The following RREB1 variants were observed in gnomAD, a reference collection of about 807,000 sequenced individuals.
The protein encoded by RREB1 is ras responsive element binding protein 1.
RREB1 carries 27 observed loss-of-function variants against 117.8 expected under a neutral mutation model. That is an observed-to-expected ratio of 0.23 (90% CI 0.17 to 0.32). The LOEUF (loss-of-function observed/expected upper bound fraction) is 0.32. RREB1 is among the 10% of genes least tolerant of loss of function. RREB1 has a pLI of 1.00. For synonymous variants in RREB1, 1,298 were observed against 1,026.7 expected (o/e 1.26, Z -5.05); for missense variants, 2,577 against 2,378.2 (o/e 1.08, Z -1.74).
intron 6 of RREB1, among the ~76,000 whole-genome samples, chr6:7,199,738 A>G (rs1765849592): frequency 1.3e-5 from 2 of 151,824 alleles, no homozygotes; most frequent in African/African-American, 4.8e-5. Flanking sequence ...ATCATAGCTC[A>G]CTGCAACCTC....
At chr6:7,237,362 C>T (rs1768400623) in intron 10 of RREB1, among the ~76,000 whole-genome samples, 2 of 151,938 alleles carry the variant, frequency 1.3e-5, no homozygotes, top group South Asian at 4.1e-4. Flanking sequence ...GCTAGGATTA[C>T]AGGTGTGAGC....
At chr6:7,239,139 A>G (rs555888418) in intron 10 of RREB1, among the ~76,000 whole-genome samples, 7 of 152,336 alleles carry the variant, frequency 4.6e-5, no homozygotes, top group African/African-American at 7.2e-5. Context: ...TCAGGCTTCT[A>G]TCGACATTAA....
In RREB1 at chr6:7,230,895, G is replaced by A. The variant is rs1767911852; in HGVS notation, c.2796G>A (p.Met932Ile). 1 of 1,614,062 alleles carries A rather than the reference G, an allele frequency of 6.2e-7. No individual in the cohort carries two copies. The highest frequency in any genetic ancestry group is 1.1e-5 in the South Asian group (1 of 91,088). ...PSSLVPYDCSMEPIDLSIPKN... is the reference protein window; with the variant it reads ...PSSLVPYDCSIEPIDLSIPKN... ...CCCTGGTCCCCTATGACTGCTCCAT[G>A]GAGCCCATCGACCTGTCCATCCCCA... Residue 932 changes from methionine (M) to isoleucine (I), a missense_variant, in exon 10 of 13, where the codon ATG becomes ATA. By Grantham distance (10) the Met-to-Ile change is conservative. Transcript: ENST00000379938.
At chr6:7,191,627 T>G (rs1169924694) in intron 6 of RREB1, among the ~76,000 whole-genome samples, 1 of 152,240 alleles carries the variant, frequency 6.6e-6, no homozygotes, top group African/African-American at 2.4e-5. Context: ...TTCCCATTTG[T>G]TAAGTCGTCC....
At chr6:7,141,649 G>A (rs1309184738) in intron 1 of RREB1, among the ~76,000 whole-genome samples, 1 of 152,176 alleles carries the variant, frequency 6.6e-6, no homozygotes, top group African/African-American at 2.4e-5. Context: ...CATGTAGCAG[G>A]GTATTTCATG....
chr6:7,214,180 T>C (rs1766771616), intron 8 of RREB1: 1 of 152,352 alleles, frequency 6.6e-6, no homozygotes. Flanking sequence ...TAATCCACAG[T>C]GATGGTAGGG....
intron 1 of RREB1, among the ~76,000 whole-genome samples, chr6:7,143,617 C>T (rs992988701): frequency 6.6e-6 from 1 of 152,184 alleles, no homozygotes; most frequent in Non-Finnish European, 1.5e-5. Flanking sequence ...GCTGAAGTGA[C>T]AGCCTGTGCT....
At position 7,249,089 on chromosome 6, in the gene RREB1, GAGA is replaced by G; in HGVS notation, c.*122_*124del. 1 of 788,390 alleles carries G rather than the reference GAGA, an allele frequency of 1.3e-6. No individual in the cohort carries two copies. Among genetic ancestry groups the G allele is most frequent in the Non-Finnish European group, 1.9e-6 (1 of 517,998 alleles). 48.8% of individuals were successfully genotyped at this position (788,390 alleles called of 1,614,324 possible). On this transcript the variant is annotated 3_prime_UTR_variant, in exon 13 of 13. Transcript: ENST00000379938. ...AGAGAGAGAGAGAGAGAGAGAGAGA[GAGA>G]GAGAGAGAGAGACAAGCAGGAGCGT...
At chr6:7,168,376 T>C (rs189705335) in intron 1 of RREB1, among the ~76,000 whole-genome samples, 2 of 152,312 alleles carry the variant, frequency 1.3e-5, no homozygotes, top group Non-Finnish European at 1.5e-5. Context: ...ACAAGTGTTA[T>C]GCAAGATAGA....
chr6:7,231,018 A>C lies in RREB1; in HGVS notation c.2919A>C (p.Pro973=). 9 of 1,614,092 alleles carry C rather than the reference A, an allele frequency of 5.6e-6. No homozygotes were observed. The highest frequency in any genetic ancestry group is 7.6e-6 in the Non-Finnish European group (9 of 1,180,024). The change falls in exon 10 of 13, where the codon CCA becomes CCC. Residue 973 remains proline, a synonymous_variant. Coordinates refer to ENST00000379938, the MANE Select transcript of RREB1 (RefSeq NM_001003699.4). ...GCAGCGAGCAGCCCTCTCCCTGCCC[A>C]GCACCCGGCCCTTCTCTTCCTGTAA... ...AGSSEQPSPC[P]APGPSLPVTL... is the part of the protein sequence containing the mutation.
At chr6:7,146,058 C>T (rs1232065816) in intron 1 of RREB1, among the ~76,000 whole-genome samples, 1 of 151,942 alleles carries the variant, frequency 6.6e-6, no homozygotes, top group Non-Finnish European at 1.5e-5. Context: ...CCCCACCGCC[C>T]CCCAGGACTT....
intron 6 of RREB1, among the ~76,000 whole-genome samples, chr6:7,207,223 T>C (rs1766326889): frequency 6.6e-6 from 1 of 152,208 alleles, no homozygotes. Context: ...TTATTAGACC[T>C]TAAGACAGAT....
At chr6:7,188,302 G>A (rs1765209609) in intron 5 of RREB1, among the ~76,000 whole-genome samples, 1 of 151,936 alleles carries the variant, frequency 6.6e-6, no homozygotes, top group Non-Finnish European at 1.5e-5. Context: ...CCAGGCTGGA[G>A]TACAGTGGTG....
In RREB1 at chr6:7,180,648, T is replaced by C. The variant is rs190031114; in HGVS notation, c.-165-476T>C. Among the ~76,000 whole-genome samples the C allele has an allele frequency of 1.2e-4, 18 of 152,364 alleles. No homozygotes were observed. In the East Asian group the frequency reaches 3.1e-3, roughly 26 times the overall value. ...TAAATTGTGACATGGCCATGGGCCATAGTTTTCCCTTTGGTCATTCTTTTC... is the reference window on the plus strand; with the variant it reads ...TAAATTGTGACATGGCCATGGGCCACAGTTTTCCCTTTGGTCATTCTTTTC... On this transcript the variant is annotated intron_variant, in intron 2 of 12. Coordinates refer to ENST00000379938, the MANE Select transcript of RREB1 (RefSeq NM_001003699.4).
chr6:7,173,696 T>C (rs1764347754), intron 1 of RREB1, among the ~76,000 whole-genome samples: 1 of 151,476 alleles, frequency 6.6e-6, no homozygotes, highest in East Asian at 1.9e-4. Context: ...CACACACGCC[T>C]GTAATCCCAG....
intron 1 of RREB1, among the ~76,000 whole-genome samples, chr6:7,126,778 T>G (rs1214829062): frequency 6.6e-6 from 1 of 152,154 alleles, no homozygotes; most frequent in Non-Finnish European, 1.5e-5. Flanking sequence ...AATACCACCA[T>G]CAGCAAGCCT....
At chr6:7,125,987 T>TTTTG (rs58891233) in intron 1 of RREB1, among the ~76,000 whole-genome samples, 24,789 of 150,726 alleles carry the variant, frequency 0.16, 2,304 homozygotes, top group Middle Eastern at 0.23. Context: ...AAGGACTGTT[T>TTTTG]TTTGTTTGTT....
At chr6:7,121,879 A>G (rs557463046) in intron 1 of RREB1, among the ~76,000 whole-genome samples, 22 of 152,138 alleles carry the variant, frequency 1.4e-4, no homozygotes, top group Middle Eastern at 3.4e-3. Context: ...GCTTGATGCA[A>G]TGCAGGGAGG....
intron 10 of RREB1, among the ~76,000 whole-genome samples, chr6:7,237,923 G>A (rs1365841437): frequency 6.6e-6 from 1 of 152,192 alleles, no homozygotes; most frequent in Non-Finnish European, 1.5e-5. Flanking sequence ...AGCATTAATA[G>A]GGACCTTCTC....
Sources: gnomAD v4.1 joint callset for allele counts (sites outside exome capture counted in the v4.1 genomes callset) on GRCh38, gnomAD v4.1.1 for gene constraint, MANE v1.5 for transcripts, NCBI Gene and HGNC (gene_info 2026-07-23, HGNC 2026-07-21) for gene names.